Variants in MECOM observed in about 807,000 individuals in gnomAD.
The protein encoded by MECOM is MDS1 and EVI1 complex locus, also known as histone-lysine N-methyltransferase MECOM.
MECOM carries 13 observed loss-of-function variants against 116.3 expected under a neutral mutation model. The observed-to-expected ratio is 0.11, with a 90% confidence interval of 0.07 to 0.18. MECOM has a LOEUF of 0.18. Among genes scored for constraint, MECOM ranks in the 10% least tolerant of loss-of-function variants. The pLI is 1.00. For missense variants in MECOM, 1,299 were observed against 1,509.0 expected (o/e 0.86, Z 2.31); for synonymous variants, 528 against 535.2 (o/e 0.99, Z 0.19).
At chr3:169,447,516 T>C (rs1052396399) in intron 1 of MECOM, among the ~76,000 whole-genome samples, 13 of 152,214 alleles carry the variant, frequency 8.5e-5, no homozygotes, top group Non-Finnish European at 1.5e-4. Flanking sequence ...TTGATTCTTA[T>C]GTTTACAAAG....
intron 2 of MECOM, among the ~76,000 whole-genome samples, chr3:169,295,838 G>A (rs1167640212): frequency 2.6e-5 from 4 of 152,186 alleles, no homozygotes; most frequent in Non-Finnish European, 1.5e-5. Flanking sequence ...ACTGCACAAA[G>A]AGAATAAAAA....
Position 169,251,016 on chromosome 3 carries a change from G to A in MECOM, c.376-107184C>T, listed in dbSNP as rs76044885. Among the ~76,000 whole-genome samples the A allele has an allele frequency of 5.3e-3, 807 of 152,312 alleles. 13 individuals carry two copies. The highest frequency in any genetic ancestry group is 0.019 in the African/African-American group (777 of 41,554). ...GAATGCATAACTAATAAACACTGAA[G>A]CACCGATGGCAGTGTCTGAATTTTC... On this transcript the variant is annotated intron_variant, in intron 2 of 16. Transcript: ENST00000651503.
Position 169,085,008 on chromosome 3 carries a change from C to T in MECOM, c.3621G>A (p.Glu1207=), listed in dbSNP as rs1717187725. ...AACTGTGGGATGTAGAATGGAGGGA[C>T]TCCTTGTCAGACAGTGACAGCATCA... is the stretch of plus-strand genomic sequence containing the variant. ...YAMMLSLSDK[E]SLHSTSHSSS... The change falls in exon 17 of 17, where the codon GAG becomes GAA. Residue 1207 remains glutamate (E), a synonymous_variant. Transcript: ENST00000651503. The T allele has an allele frequency of 6.2e-7, 1 of 1,614,090 alleles. No homozygotes were observed. The highest frequency in any genetic ancestry group is 8.5e-7 in the Non-Finnish European group (1 of 1,179,984).
chr3:169,109,502 C>T (rs1398779425), intron 9 of MECOM, among the ~76,000 whole-genome samples: 1 of 151,976 alleles, frequency 6.6e-6, no homozygotes, highest in Non-Finnish European at 1.5e-5. Flanking sequence ...GCAACCTCCA[C>T]CTCCTGGGTT....
intron 2 of MECOM, among the ~76,000 whole-genome samples, chr3:169,194,460 A>C (rs1032226413): frequency 2.6e-5 from 4 of 152,118 alleles, no homozygotes; most frequent in Admixed American, 6.6e-5. Flanking sequence ...AACCTAAAGT[A>C]TAATAAAAAA....
chr3:169,506,046 G>A (rs1322112591), intron 1 of MECOM, among the ~76,000 whole-genome samples: 1 of 152,186 alleles, frequency 6.6e-6, no homozygotes, highest in East Asian at 1.9e-4. Context: ...TAATTGGAAT[G>A]AAAGGCAAAA....
chr3:169,433,805 T>C (rs995691248), intron 1 of MECOM, among the ~76,000 whole-genome samples: 1 of 152,156 alleles, frequency 6.6e-6, no homozygotes, highest in African/African-American at 2.4e-5. Context: ...ACACAGGGCT[T>C]GTCCCCAGAG....
At chr3:169,126,685 C>T (rs543829197) in intron 5 of MECOM, among the ~76,000 whole-genome samples, 2 of 152,114 alleles carry the variant, frequency 1.3e-5, no homozygotes, top group East Asian at 3.9e-4. Context: ...ATTCAGTCTT[C>T]TCAACAGAAA....
intron 1 of MECOM, among the ~76,000 whole-genome samples, chr3:169,662,113 G>A (rs534979358): frequency 1.3e-5 from 2 of 152,348 alleles, no homozygotes; most frequent in South Asian, 4.1e-4. Flanking sequence ...TGTGGGCCCC[G>A]CCGGCAAAGC....
At chr3:169,390,361 C>T (rs1264886984) in intron 1 of MECOM, among the ~76,000 whole-genome samples, 1 of 152,142 alleles carries the variant, frequency 6.6e-6, no homozygotes, top group Non-Finnish European at 1.5e-5. Context: ...CTTGCTCTAA[C>T]CAGTGAAACT....
rs113918742 is a variant in MECOM at position 169,393,233 on chromosome 3, A to G, written c.38-11709T>C. On this transcript the variant is annotated intron_variant, in intron 1 of 16. Transcript: ENST00000651503. ...AGAGATAGTCCTGATGGATCTCAGA[A>G]CAGTGATGTATTCAAACGAGGACTG... 9.5e-3 allele frequency among the ~76,000 whole-genome samples: 1,453 copies of G among 152,280 alleles called. 5 individuals carry two copies. Among genetic ancestry groups the G allele is most frequent in the Middle Eastern group, 0.017 (5 of 294 alleles).
At chr3:169,546,026 G>C (rs930724829) in intron 1 of MECOM, among the ~76,000 whole-genome samples, 1 of 152,208 alleles carries the variant, frequency 6.6e-6, no homozygotes, top group Non-Finnish European at 1.5e-5. Context: ...AGGTTGAAGA[G>C]AGATTACTGT....
chr3:169,626,622 G>A (rs1295410250), intron 1 of MECOM, among the ~76,000 whole-genome samples: 9 of 152,066 alleles, frequency 5.9e-5, no homozygotes, highest in Non-Finnish European at 1.2e-4. Flanking sequence ...TCTCCCTCGT[G>A]ATAGCAACAA....
chr3:169,267,716 G>T (rs966876636), intron 2 of MECOM, among the ~76,000 whole-genome samples: 2 of 152,062 alleles, frequency 1.3e-5, no homozygotes, highest in African/African-American at 4.8e-5. Context: ...ATACTACTGG[G>T]ATGTGATAGA....
intron 2 of MECOM, among the ~76,000 whole-genome samples, chr3:169,325,025 T>C (rs933515333): frequency 6.6e-6 from 1 of 152,150 alleles, no homozygotes; most frequent in South Asian, 2.1e-4. Context: ...AGCAGAGTAC[T>C]AAATCTAGGA....
chr3:169,423,823 C>T (rs1183161259), intron 1 of MECOM, among the ~76,000 whole-genome samples: 3 of 152,088 alleles, frequency 2.0e-5, no homozygotes, highest in South Asian at 2.1e-4. Flanking sequence ...AAGCTGCCTC[C>T]GAAGTTTTGA....
chr3:169,220,256 A>T (rs1411992252), intron 2 of MECOM, among the ~76,000 whole-genome samples: 1 of 152,114 alleles, frequency 6.6e-6, no homozygotes, highest in Admixed American at 6.6e-5. Flanking sequence ...CCTGGGAGGC[A>T]GAGGCTGCCT....
At chr3:169,188,187 A>C (rs1347188902) in intron 2 of MECOM, among the ~76,000 whole-genome samples, 1 of 152,084 alleles carries the variant, frequency 6.6e-6, no homozygotes, top group East Asian at 1.9e-4. Context: ...CCTTTGAGCA[A>C]GTTCTTGACA....
rs1446402175 is a variant in MECOM at position 169,486,918 on chromosome 3, C to A, written c.38-105394G>T. On this transcript the variant is annotated intron_variant, in intron 1 of 16. Transcript: ENST00000651503. ...CAGGTTTAGACATAACCTGGTTGACCTGTAGAATAATCTTCTAGAGACCAC... is the reference window on the plus strand; with the variant it reads ...CAGGTTTAGACATAACCTGGTTGACATGTAGAATAATCTTCTAGAGACCAC... Among the ~76,000 whole-genome samples, 4 of 151,984 alleles carry A rather than the reference C, an allele frequency of 2.6e-5. No homozygotes were observed. The East Asian group carries it at 7.7e-4, about 29-fold the overall frequency.
Sources: allele counts gnomAD v4.1 joint callset (sites outside exome capture counted in the v4.1 genomes callset), GRCh38; gene constraint gnomAD v4.1.1; transcripts MANE v1.5; gene names NCBI Gene and HGNC (gene_info 2026-07-23, HGNC 2026-07-21).